CNBD1: variants seen among roughly 807,000 people sequenced by gnomAD.
CNBD1 encodes the protein cyclic nucleotide binding domain containing 1.
Under a neutral mutation model 54.4 loss-of-function variants are expected in CNBD1, and 71 were observed. The ratio of observed to expected loss-of-function variants is 1.30; its 90% CI spans 1.08 to 1.59. CNBD1 has a LOEUF of 1.59. Among genes scored for constraint, CNBD1 ranks in the 40% most tolerant of loss-of-function variants. CNBD1 has a pLI of 0.00. For synonymous variants in CNBD1, 182 were observed against 170.7 expected (o/e 1.07, Z -0.51); for missense variants, 659 against 518.0 (o/e 1.27, Z -2.64).
rs188779380 is a variant in CNBD1, at chr8:86,950,285, G to T, written c.431+10531G>T. Among the ~76,000 whole-genome samples the T allele has an allele frequency of 6.8e-3, 1,038 of 151,994 alleles. 11 individuals carry two copies. The highest frequency in any genetic ancestry group is 0.041 in the Middle Eastern group (12 of 294). ...TTGGTTTCACCATTTGGCCAGGCTG[G>T]TCTTGAACTCCTCACCTCATGATCC... On this transcript the variant is annotated intron_variant, in intron 4 of 10. Transcript: ENST00000518476.
intron 4 of CNBD1, among the ~76,000 whole-genome samples, chr8:87,050,316 T>G (rs1334705449): frequency 6.6e-6 from 1 of 152,202 alleles, no homozygotes; most frequent in Non-Finnish European, 1.5e-5. Context: ...ACCTAGGTAC[T>G]TCACTGAGGT....
chr8:87,399,779 C>T (rs1807515358), intron 2 of CNBD1, among the ~76,000 whole-genome samples: 1 of 151,904 alleles, frequency 6.6e-6, no homozygotes, highest in Admixed American at 6.6e-5. Context: ...AGTTATGGTG[C>T]TTGGACAGTG....
chr8:87,092,306 G>C (rs1250379650), intron 4 of CNBD1, among the ~76,000 whole-genome samples: 1 of 151,638 alleles, frequency 6.6e-6, no homozygotes, highest in Non-Finnish European at 1.5e-5. Context: ...ATTTACAATA[G>C]GACTTTGATG....
At chr8:86,893,866 ATTGT>A (rs1490803880) in intron 2 of CNBD1, among the ~76,000 whole-genome samples, 3 of 151,668 alleles carry the variant, frequency 2.0e-5, no homozygotes, top group African/African-American at 7.3e-5. Flanking sequence ...TTGTATCTCT[ATTGT>A]TTATCACTCA....
chr8:86,993,289 A>C (rs1163000413), intron 4 of CNBD1, among the ~76,000 whole-genome samples: 1 of 150,966 alleles, frequency 6.6e-6, no homozygotes, highest in Non-Finnish European at 1.5e-5. Context: ...TTTTTATTGA[A>C]TTTTTTTCAA....
In CNBD1 at chr8:87,157,719, T is replaced by C. The variant is rs1812775050; in HGVS notation, c.432-48274T>C. The stretch of plus-strand genomic sequence containing the variant: ...GCAGGGCAGAGGGGTCTCAAAATCC[T>C]GAGGACTTGGTTGTGAATTTGGAGT... On this transcript the variant is annotated intron_variant, in intron 4 of 10. Transcript: ENST00000518476. Among the ~76,000 whole-genome samples, 3 of 152,328 alleles carry C rather than the reference T, an allele frequency of 2.0e-5. No homozygotes were observed. The South Asian group carries it at 6.2e-4, about 32-fold the overall frequency.
Position 86,894,264 on chromosome 8 carries a change from T to C in CNBD1, c.158+6653T>C, listed in dbSNP as rs371933665. Among the ~76,000 whole-genome samples, 58 of 150,404 alleles carry C rather than the reference T, an allele frequency of 3.9e-4. No individual in the cohort carries two copies. The East Asian group carries it at 9.4e-3, about 24-fold the overall frequency. The stretch of plus-strand genomic sequence containing the variant: ...TTTTAGTAGAGACGGGGTTTCACCT[T>C]GTTAGCCAGGATGGTCTCGATCTCC... On this transcript the variant is annotated intron_variant, in intron 2 of 10. Transcript: ENST00000518476.
intron 10 of CNBD1, among the ~76,000 whole-genome samples, chr8:87,377,012 A>AT (rs201849220): frequency 3.0e-5 from 4 of 132,742 alleles, no homozygotes; most frequent in South Asian, 2.2e-4. Context: ...TGTTAAATTT[A>AT]TTTTTTTTCT....
chr8:86,982,136 A>AT, intron 4 of CNBD1, among the ~76,000 whole-genome samples: 1 of 152,196 alleles, frequency 6.6e-6, no homozygotes, highest in Non-Finnish European at 1.5e-5. Flanking sequence ...TATGGATTTA[A>AT]TTTTCATTTC....
At chr8:87,205,831 A>G (rs940236924) in intron 4 of CNBD1, among the ~76,000 whole-genome samples, 162 bp from the exon 5 acceptor site, 1 of 152,170 alleles carries the variant, frequency 6.6e-6, no homozygotes, top group Admixed American at 6.5e-5. Context: ...AACAAATCCT[A>G]AAGTTGATTA....
intron 2 of CNBD1, among the ~76,000 whole-genome samples, chr8:86,893,170 T>TA (rs2131795571): frequency 6.6e-6 from 1 of 152,304 alleles, no homozygotes; most frequent in South Asian, 2.1e-4. Flanking sequence ...GGTGGGATCT[T>TA]ACATTTATTC....
At chr8:87,026,443 G>A (rs796376030) in intron 4 of CNBD1, among the ~76,000 whole-genome samples, 6 of 149,466 alleles carry the variant, frequency 4.0e-5, no homozygotes, top group African/African-American at 1.5e-4. Flanking sequence ...TTACTTTGAG[G>A]GAAAAATGTG....
chr8:87,311,176 G>A (rs568156523), intron 8 of CNBD1, among the ~76,000 whole-genome samples: 30 of 152,074 alleles, frequency 2.0e-4, no homozygotes, highest in African/African-American at 4.6e-4. Flanking sequence ...TACAGAATGG[G>A]AGAAAATATT....
chr8:87,029,354 TAGTTGTA>T (rs1477405259), intron 4 of CNBD1, among the ~76,000 whole-genome samples: 2 of 152,172 alleles, frequency 1.3e-5, no homozygotes, highest in African/African-American at 2.4e-5. Flanking sequence ...TTTCAGCACT[TAGTTGTA>T]AGTAATATTT....
chr8:87,026,255 G>T (rs1809642753), intron 4 of CNBD1, among the ~76,000 whole-genome samples: 1 of 151,968 alleles, frequency 6.6e-6, no homozygotes, highest in African/African-American at 2.4e-5. Flanking sequence ...GAGCTAAAAT[G>T]GTTGTGACTG....
chr8:87,095,129 A>G (rs1052622874), intron 4 of CNBD1, among the ~76,000 whole-genome samples: 1 of 152,254 alleles, frequency 6.6e-6, no homozygotes, highest in African/African-American at 2.4e-5. Flanking sequence ...CTCTTCACCT[A>G]AAGTGTGAAA....
intron 6 of CNBD1, among the ~76,000 whole-genome samples, chr8:87,238,975 C>T (rs1302083162): frequency 6.6e-6 from 1 of 152,064 alleles, no homozygotes; most frequent in African/African-American, 2.4e-5. Flanking sequence ...CCTTCCAGTA[C>T]ATTCCCTTCT....
chr8:87,140,868 T>A lies in CNBD1; in HGVS notation c.432-65125T>A, dbSNP rs146700496. 8.5e-4 allele frequency among the ~76,000 whole-genome samples: 130 copies of A among 152,280 alleles called. 1 individual carries two copies. The East Asian group carries it at 0.019, about 23-fold the overall frequency. On this transcript the variant is annotated intron_variant, in intron 4 of 10. Transcript: ENST00000518476. ...ATGTGTGGTGTCATTACCACATTCC[T>A]CTGCAGGATGCCACACATTCCAGTC...
chr8:87,055,770 C>A (rs1483431181), intron 4 of CNBD1, among the ~76,000 whole-genome samples: 2 of 150,690 alleles, frequency 1.3e-5, no homozygotes, highest in South Asian at 2.1e-4. Context: ...TTCTACCCCA[C>A]CTTTCTCTTT....
Sources: gnomAD v4.1 joint callset for allele counts (sites outside exome capture counted in the v4.1 genomes callset) on GRCh38, gnomAD v4.1.1 for gene constraint, MANE v1.5 for transcripts, NCBI Gene and HGNC (gene_info 2026-07-23, HGNC 2026-07-21) for gene names.